UNC80: variants seen among roughly 807,000 people sequenced by gnomAD.
UNC80 encodes the protein unc-80 subunit of NALCN channel complex, also known as protein unc-80 homolog.
Under a neutral mutation model 384.6 loss-of-function variants are expected in UNC80, and 164 were observed. That is an observed-to-expected ratio of 0.43 (90% CI 0.38 to 0.49). UNC80 has a LOEUF of 0.49. Among genes scored for constraint, UNC80 ranks in the 20% least tolerant of loss-of-function variants. The probability of loss-of-function intolerance (pLI) is 0.00; values close to 1 mark genes in which losing one functional copy is unlikely to be tolerated. For synonymous variants in UNC80, 1,486 were observed against 1,527.8 expected (o/e 0.97, Z 0.64); for missense variants, 3,330 against 4,143.0 (o/e 0.80, Z 5.39).
rs2093495054 is a variant in UNC80 at position 209,997,092 on chromosome 2, T to G, written c.*1497T>G. 1 of 152,182 alleles carries G rather than the reference T, an allele frequency of 6.6e-6. No homozygotes were observed. Among genetic ancestry groups the G allele is most frequent in the South Asian group, 2.1e-4 (1 of 4,830 alleles). 9.4% of individuals were successfully genotyped at this position (152,182 alleles called of 1,614,324 possible). A position where few individuals can be genotyped will look rare whatever the true frequency, so the allele number is the denominator to read the frequency against. The stretch of plus-strand genomic sequence containing the variant: ...AAAATTATTTTTTGTTAGAATTGCT[T>G]ATTAAATAGGCATACTTTATACTGT... On this transcript the variant is annotated 3_prime_UTR_variant, in exon 65 of 65. Transcript: ENST00000673920.
intron 27 of UNC80, among the ~76,000 whole-genome samples, chr2:209,895,569 A>G (rs2086726594): frequency 6.6e-6 from 1 of 152,128 alleles, no homozygotes; most frequent in Admixed American, 6.6e-5. Flanking sequence ...TAATTTGGGG[A>G]AAAATTATTG....
intron 22 of UNC80, among the ~76,000 whole-genome samples, chr2:209,859,183 C>G (rs926627590): frequency 6.6e-6 from 1 of 151,694 alleles, no homozygotes; most frequent in African/African-American, 2.4e-5. Context: ...AGTTTCCTCT[C>G]CTCACTCTCC....
chr2:209,833,276 C>CAAAA (rs554565630), intron 16 of UNC80, among the ~76,000 whole-genome samples: 2 of 97,362 alleles, frequency 2.1e-5, no homozygotes, highest in African/African-American at 3.6e-5. Flanking sequence ...TTTCCTAAGG[C>CAAAA]AAAAAAAAAA....
chr2:209,912,034 G>A (rs1175726215), intron 29 of UNC80, among the ~76,000 whole-genome samples: 1 of 152,154 alleles, frequency 6.6e-6, no homozygotes, highest in Non-Finnish European at 1.5e-5. Context: ...ATGCTTCCTT[G>A]ATGGGTCCTG....
At chr2:209,845,302 A>G (rs962901027) in intron 21 of UNC80, 2 of 152,146 alleles carry the variant, frequency 1.3e-5, no homozygotes, top group African/African-American at 4.8e-5. Flanking sequence ...TGACCTGATT[A>G]TGGCACTATG....
Position 209,959,538 on chromosome 2 carries a change from C to A in UNC80, c.7636C>A (p.Leu2546Met), listed in dbSNP as rs1159519016. 1.9e-6 allele frequency: 3 copies of A among 1,551,714 alleles called. No homozygotes were observed. Among genetic ancestry groups the A allele is most frequent in the South Asian group, 1.2e-5 (1 of 84,058 alleles). Residue 2546 changes from leucine to methionine, a missense_variant, in exon 51 of 65, where the codon CTG becomes ATG. Physicochemically the swap from Leu to Met is conservative, Grantham distance 15. Coordinates refer to ENST00000673920, the MANE Select transcript of UNC80 (RefSeq NM_001371986.1). The part of the protein sequence containing the change: ...EEGQGIPREE[L>M]DERIAREEFR... Reference sequence around the variant, plus strand: ...AGGGCAAGGCATTCCCAGAGAGGAACTGGATGAACGAATTGCTCGGGAAGA... The same window carrying A: ...AGGGCAAGGCATTCCCAGAGAGGAAATGGATGAACGAATTGCTCGGGAAGA...
At chr2:209,903,353 G>T (rs1181671331) in intron 28 of UNC80, among the ~76,000 whole-genome samples, 1 of 99,480 alleles carries the variant, frequency 1.0e-5, no homozygotes, top group Non-Finnish European at 2.1e-5. Flanking sequence ...TGTGTGTGTG[G>T]ACAGTGTGGA....
At chr2:209,799,398 G>T (rs1435060790) in intron 7 of UNC80, among the ~76,000 whole-genome samples, 1 of 152,190 alleles carries the variant, frequency 6.6e-6, no homozygotes, top group South Asian at 2.1e-4. Context: ...GTAAAGGAAT[G>T]CTTGTGATTT....
At chr2:209,939,411 G>C in intron 42 of UNC80, 61 bp from the exon 43 acceptor site, 10 of 1,437,814 alleles carry the variant, frequency 7.0e-6, no homozygotes, top group Non-Finnish European at 9.2e-6. Flanking sequence ...AGTTTTTTCA[G>C]TCTATAAATC....
intron 26 of UNC80, among the ~76,000 whole-genome samples, chr2:209,892,838 A>G (rs2086471897): frequency 1.3e-5 from 2 of 152,208 alleles, no homozygotes; most frequent in Non-Finnish European, 2.9e-5. Context: ...TGCTATAATT[A>G]AAATGCAGCT....
At chr2:209,842,503 T>A in intron 21 of UNC80, 57 bp downstream of exon 21, 1 of 1,249,174 alleles carries the variant, frequency 8.0e-7, no homozygotes, top group Non-Finnish European at 1.1e-6. Flanking sequence ...GAACAAAAAC[T>A]TGATTAGATT....
At chr2:209,780,189 G>A (rs777269480) in intron 4 of UNC80, among the ~76,000 whole-genome samples, 1 of 152,148 alleles carries the variant, frequency 6.6e-6, no homozygotes, top group South Asian at 2.1e-4. Context: ...CAAATAATTC[G>A]AAAAGCTGAC....
intron 22 of UNC80, among the ~76,000 whole-genome samples, chr2:209,856,230 A>G (rs1270733830): frequency 6.6e-6 from 1 of 151,932 alleles, no homozygotes; most frequent in Non-Finnish European, 1.5e-5. Context: ...TCATCAGTTT[A>G]TTTACTATTT....
At chr2:209,978,205 T>C (rs1178789500) in intron 58 of UNC80, among the ~76,000 whole-genome samples, 1 of 152,176 alleles carries the variant, frequency 6.6e-6, no homozygotes, top group Non-Finnish European at 1.5e-5. Context: ...GAAGCTACAA[T>C]TCAGGTCAAA....
Position 209,978,599 on chromosome 2 carries a change from C to G in UNC80, c.9009C>G (p.Thr3003=), listed in dbSNP as rs2093072144. 6.4e-7 allele frequency: 1 copy of G among 1,551,568 alleles called. No individual in the cohort carries two copies. Among genetic ancestry groups the G allele is most frequent in the South Asian group, 1.2e-5 (1 of 84,060 alleles). The change falls in exon 59 of 65, where the codon ACC becomes ACG. Residue 3003 remains threonine (T), a synonymous_variant. Coordinates refer to ENST00000673920, the MANE Select transcript of UNC80 (RefSeq NM_001371986.1). ...CTGCTTACCGCCTGAGCTTGGCCACCATGTCCCGCTCTAACACGGGCACGG... is the reference window on the plus strand; with the variant it reads ...CTGCTTACCGCCTGAGCTTGGCCACGATGTCCCGCTCTAACACGGGCACGG... The part of the protein sequence containing the change: ...STSAYRLSLA[T]MSRSNTGTGT...
At chr2:209,923,263 G>A (rs1028138694) in intron 35 of UNC80, among the ~76,000 whole-genome samples, 3 of 152,060 alleles carry the variant, frequency 2.0e-5, no homozygotes, top group Non-Finnish European at 4.4e-5. Flanking sequence ...AGAAACAATT[G>A]TCTAATCCAA....
chr2:209,860,194 G>A (rs531039203), intron 22 of UNC80, among the ~76,000 whole-genome samples: 4 of 152,098 alleles, frequency 2.6e-5, no homozygotes, highest in African/African-American at 4.8e-5. Flanking sequence ...TCCATCTCGA[G>A]TTAATTTTTA....
At chr2:209,904,611 C>T (rs2087951312) in intron 28 of UNC80, among the ~76,000 whole-genome samples, 154 bp from the exon 29 acceptor site, 1 of 152,158 alleles carries the variant, frequency 6.6e-6, no homozygotes, top group Non-Finnish European at 1.5e-5. Context: ...ATAAAGAACC[C>T]TTTGTCCTCC....
chr2:209,866,531 C>CAGAGAGAG (rs1381638930), intron 22 of UNC80, among the ~76,000 whole-genome samples: 3 of 122,022 alleles, frequency 2.5e-5, no homozygotes, highest in South Asian at 3.0e-4. Flanking sequence ...CACACACACA[C>CAGAGAGAG]ACAGAGAGAG....
Sources: allele counts gnomAD v4.1 joint callset (sites outside exome capture counted in the v4.1 genomes callset), GRCh38; gene constraint gnomAD v4.1.1; transcripts MANE v1.5; gene names NCBI Gene and HGNC (gene_info 2026-07-23, HGNC 2026-07-21).